ENTPD1: variants seen among roughly 807,000 people sequenced by gnomAD.
ENTPD1 encodes ATP diphosphohydrolase.
Under a neutral mutation model 57.0 loss-of-function variants are expected in ENTPD1, and 33 were observed. That is an observed-to-expected ratio of 0.58 (90% CI 0.44 to 0.77). ENTPD1 has a LOEUF of 0.77. Ranked by LOEUF, ENTPD1 falls within the 30% of genes least tolerant of loss-of-function variation. ENTPD1 has a pLI of 0.00. For synonymous variants in ENTPD1, 202 were observed against 218.8 expected (o/e 0.92, Z 0.68); for missense variants, 501 against 603.4 (o/e 0.83, Z 1.78).
Position 95,735,776 on chromosome 10 carries a change from T to C in ENTPD1, c.37+23783T>C, listed in dbSNP as rs193252084. ...ATGCTCGGCTAATTTTTTTTATCTTTAGTAGAGACAGTGTTTCACCGTGTT... is the reference window on the plus strand; with the variant it reads ...ATGCTCGGCTAATTTTTTTTATCTTCAGTAGAGACAGTGTTTCACCGTGTT... On this transcript the variant is annotated intron_variant, in intron 1 of 9. Coordinates refer to the ENTPD1 transcript ENST00000453258. Among the ~76,000 whole-genome samples the C allele has an allele frequency of 2.5e-3, 385 of 151,526 alleles. 1 individual carries two copies. Among genetic ancestry groups the C allele is most frequent in the Non-Finnish European group, 3.7e-3 (251 of 67,840 alleles).
At chr10:95,832,981 C>T (rs1412060488) in intron 2 of ENTPD1, among the ~76,000 whole-genome samples, 1 of 152,178 alleles carries the variant, frequency 6.6e-6, no homozygotes, top group Non-Finnish European at 1.5e-5. Flanking sequence ...GCAGGATTTC[C>T]AGCTTCTGTT....
chr10:95,707,474 G>A (rs1192451362), upstream of ENTPD1, among the ~76,000 whole-genome samples: 2 of 152,230 alleles, frequency 1.3e-5, no homozygotes, highest in Non-Finnish European at 1.5e-5. Flanking sequence ...GGTAGCATCC[G>A]CTGCCATCAG....
intron 7 of ENTPD1, among the ~76,000 whole-genome samples, chr10:95,853,901 G>A (rs1353761465): frequency 1.3e-5 from 2 of 151,980 alleles, no homozygotes; most frequent in Non-Finnish European, 2.9e-5. Flanking sequence ...CTCTTTTTTT[G>A]TTGTGTCTCT....
chr10:95,826,321 G>A (rs3901450), intron 2 of ENTPD1, among the ~76,000 whole-genome samples: 1 of 151,254 alleles, frequency 6.6e-6, no homozygotes, highest in Non-Finnish European at 1.5e-5. Flanking sequence ...GCCTGTAATC[G>A]AAGCAGTTTG....
chr10:95,834,292 T>A lies in ENTPD1; in HGVS notation c.145-5399T>A, dbSNP rs2098404268. Among the ~76,000 whole-genome samples, 3 of 152,184 alleles carry A rather than the reference T, an allele frequency of 2.0e-5. No homozygotes were observed. The South Asian group carries it at 6.2e-4, about 31-fold the overall frequency. ...TGCCCTCATGTAGCTTACAATCTAA[T>A]AATAAAGATAGATATTAATCAAATA... On this transcript the variant is annotated intron_variant, in intron 2 of 9. Coordinates refer to ENST00000371205, the MANE Select transcript of ENTPD1 (RefSeq NM_001776.6).
intron 1 of ENTPD1, among the ~76,000 whole-genome samples, chr10:95,790,731 G>A (rs1385727704): frequency 3.3e-5 from 5 of 152,056 alleles, no homozygotes; most frequent in African/African-American, 1.2e-4. Context: ...AAAATGTATA[G>A]CAGAGTCTTT....
At chr10:95,770,118 G>A (rs2098109299) in intron 1 of ENTPD1, among the ~76,000 whole-genome samples, 2 of 150,486 alleles carry the variant, frequency 1.3e-5, no homozygotes, top group African/African-American at 4.9e-5. Context: ...CAATGAGACT[G>A]GGTAAGTGAG....
At chr10:95,729,131 G>T (rs901196720) in intron 1 of ENTPD1, among the ~76,000 whole-genome samples, 2 of 151,924 alleles carry the variant, frequency 1.3e-5, no homozygotes, top group Admixed American at 6.6e-5. Flanking sequence ...CATGTAAGTG[G>T]ACTCTCAAAG....
In ENTPD1 at chr10:95,842,494, G is replaced by A; in HGVS notation, c.413G>A (p.Arg138Lys). 6.2e-7 allele frequency: 1 copy of A among 1,613,678 alleles called. No individual in the cohort carries two copies. Among genetic ancestry groups the A allele is most frequent in the Non-Finnish European group, 8.5e-7 (1 of 1,179,712 alleles). ...GCCACGGCAGGCATGCGGTTGCTCAGGTATAGCAGCATGTAGGGACCAAGA... is the reference window on the plus strand; with the variant it reads ...GCCACGGCAGGCATGCGGTTGCTCAAGTATAGCAGCATGTAGGGACCAAGA... ...LGATAGMRLLRMESEELADRV... is the reference protein window; with the variant it reads ...LGATAGMRLLKMESEELADRV... Residue 138 changes from arginine to lysine, a missense_variant and splice_region_variant, in exon 4 of 10, where the codon AGG becomes AAG. By Grantham distance (26) the Arg-to-Lys change is conservative (BLOSUM62 2). Transcript: ENST00000371205.
chr10:95,727,657 T>A lies in ENTPD1; in HGVS notation c.37+15664T>A, dbSNP rs1418303047. Among the ~76,000 whole-genome samples the A allele has an allele frequency of 5.3e-5, 8 of 152,346 alleles. No individual in the cohort carries two copies. The East Asian group carries it at 1.3e-3, about 26-fold the overall frequency. On this transcript the variant is annotated intron_variant, in intron 1 of 9. Transcript: ENST00000453258. ...ATTATTTTAACCTAGAAATGATATA[T>A]GCTTGCATTACTTTTCTCATGGTTA...
the ENTPD1 span, among the ~76,000 whole-genome samples, chr10:95,699,435 C>T: frequency 6.6e-6 from 1 of 151,974 alleles, no homozygotes; most frequent in Admixed American, 6.6e-5. Context: ...CATGGTGAAA[C>T]CCTGTCTCTA....
Position 95,873,382 on chromosome 10 carries a change from C to T in ENTPD1, c.*6999C>T. ...CTGTGCCCCAGGAGATCCCTCTCTG[C>T]CTTGCCTTGCCCTCTGCCTTTGGAG... is the stretch of plus-strand genomic sequence containing the variant. On this transcript the variant is annotated 3_prime_UTR_variant, in exon 10 of 10. Transcript: ENST00000371205. 1 of 985,572 alleles carries T rather than the reference C, an allele frequency of 1.0e-6. No individual in the cohort carries two copies. Among genetic ancestry groups the T allele is most frequent in the Non-Finnish European group, 1.2e-6 (1 of 830,046 alleles). 61.1% of individuals were successfully genotyped at this position (985,572 alleles called of 1,614,324 possible).
chr10:95,765,287 T>A (rs772878405), intron 1 of ENTPD1, among the ~76,000 whole-genome samples: 1 of 152,194 alleles, frequency 6.6e-6, no homozygotes, highest in Non-Finnish European at 1.5e-5. Context: ...AAGATATACA[T>A]CTATATTTTC....
intron 1 of ENTPD1, among the ~76,000 whole-genome samples, chr10:95,716,290 A>G (rs34969869): frequency 0.011 from 1,686 of 152,304 alleles, 14 homozygotes; most frequent in Non-Finnish European, 0.016. Context: ...CTGTGATAAG[A>G]TATGGCAACT....
rs1021550970 is a variant in ENTPD1 at position 95,773,416 on chromosome 10, AT to A, written c.16+17171del. 9.2e-4 allele frequency among the ~76,000 whole-genome samples: 139 copies of A among 150,844 alleles called. 1 individual carries two copies. Among genetic ancestry groups the A allele is most frequent in the African/African-American group, 3.1e-3 (126 of 41,140 alleles). On this transcript the variant is annotated intron_variant, in intron 1 of 9. Coordinates refer to ENST00000371205, the MANE Select transcript of ENTPD1 (RefSeq NM_001776.6). ...AATGGACAGTAATATTTTGGAAGGA[AT>A]TTTTTTTTTCTGAGAAGCAGACATC... is the stretch of plus-strand genomic sequence containing the variant.
chr10:95,835,276 T>C (rs1400413604), intron 2 of ENTPD1, among the ~76,000 whole-genome samples: 1 of 152,228 alleles, frequency 6.6e-6, no homozygotes, highest in African/African-American at 2.4e-5. Context: ...GATTTCATTC[T>C]TTTTTATGGC....
At chr10:95,701,332 A>G in the ENTPD1 span, among the ~76,000 whole-genome samples, 2 of 152,226 alleles carry the variant, frequency 1.3e-5, no homozygotes, top group Non-Finnish European at 2.9e-5. Flanking sequence ...TAAGTGAATT[A>G]TATTTGAGGG....
intron 2 of ENTPD1, 53 bp downstream of exon 2, chr10:95,823,417 G>A: frequency 6.2e-7 from 1 of 1,610,944 alleles, no homozygotes; most frequent in South Asian, 1.1e-5. Flanking sequence ...GATCTGGGTG[G>A]GACAGGGGGA....
chr10:95,755,438 C>T (rs1435046354), upstream of ENTPD1: 4 of 452,122 alleles, frequency 8.8e-6, no homozygotes, highest in Non-Finnish European at 1.2e-5. Context: ...TTTGGTCAGG[C>T]TCTCATCTAC....
Sources: gnomAD v4.1 joint callset for allele counts (sites outside exome capture counted in the v4.1 genomes callset) on GRCh38, gnomAD v4.1.1 for gene constraint, MANE v1.5 for transcripts, NCBI Gene and HGNC (gene_info 2026-07-23, HGNC 2026-07-21) for gene names.